Variants in LSAMP observed in about 807,000 individuals in gnomAD.
LSAMP encodes the protein limbic system associated membrane protein, also known as limbic system-associated membrane protein.
Under a neutral mutation model 38.6 loss-of-function variants are expected in LSAMP, and 7 were observed. That is an observed-to-expected ratio of 0.18 (90% CI 0.10 to 0.34). LSAMP has a LOEUF of 0.34. LSAMP is among the 10% of genes least tolerant of loss of function. The pLI is 1.00. For missense variants in LSAMP, 313 were observed against 420.0 expected, an observed-to-expected ratio of 0.75 and a Z score of 2.23; for synonymous variants, 154 against 166.8, an observed-to-expected ratio of 0.92 and a Z score of 0.59.
chr3:116,358,913 A>C (rs1291442738), intron 1 of LSAMP, among the ~76,000 whole-genome samples: 1 of 152,220 alleles, frequency 6.6e-6, no homozygotes, highest in Non-Finnish European at 1.5e-5. Context: ...ATAGAGTACA[A>C]AGAAATAGTT....
chr3:116,292,924 T>C (rs1051105185), intron 1 of LSAMP, among the ~76,000 whole-genome samples: 3 of 152,196 alleles, frequency 2.0e-5, no homozygotes, highest in African/African-American at 7.2e-5. Flanking sequence ...TTAGTCCATA[T>C]CCTGTGGGAG....
intron 1 of LSAMP, among the ~76,000 whole-genome samples, chr3:116,253,153 C>A (rs914136845): frequency 6.6e-5 from 10 of 151,988 alleles, no homozygotes; most frequent in African/African-American, 2.4e-4. Flanking sequence ...TGATATATTA[C>A]TATTGCAAAG....
At chr3:116,072,165 T>C (rs1199767267) in intron 2 of LSAMP, among the ~76,000 whole-genome samples, 1 of 151,824 alleles carries the variant, frequency 6.6e-6, no homozygotes, top group Admixed American at 6.6e-5. Flanking sequence ...TCAGTAGAGA[T>C]GGGGTTTCAC....
intron 1 of LSAMP, among the ~76,000 whole-genome samples, chr3:116,406,729 C>T (rs1437550256): frequency 6.6e-6 from 1 of 151,876 alleles, no homozygotes; most frequent in Non-Finnish European, 1.5e-5. Flanking sequence ...GCACACAGCA[C>T]CCCCATAATA....
intron 3 of LSAMP, among the ~76,000 whole-genome samples, chr3:115,980,919 A>C (rs1939340241): frequency 1.3e-5 from 2 of 152,214 alleles, no homozygotes; most frequent in South Asian, 4.1e-4. Flanking sequence ...TTTAACTTAC[A>C]GTGTCAGTTT....
intron 1 of LSAMP, among the ~76,000 whole-genome samples, chr3:116,349,948 A>G (rs1020820520): frequency 6.6e-6 from 1 of 152,066 alleles, no homozygotes; most frequent in Non-Finnish European, 1.5e-5. Context: ...ATGGAAGGAA[A>G]ATATATGCGA....
chr3:116,089,471 C>T (rs977967361), intron 1 of LSAMP, among the ~76,000 whole-genome samples: 2 of 152,190 alleles, frequency 1.3e-5, no homozygotes, highest in East Asian at 1.9e-4. Context: ...CATTCTCCTG[C>T]CTCTGCCTCC....
At chr3:115,835,998 A>T (rs1056368030) in intron 6 of LSAMP, among the ~76,000 whole-genome samples, 2 of 152,082 alleles carry the variant, frequency 1.3e-5, no homozygotes, top group Non-Finnish European at 2.9e-5. Flanking sequence ...TCCATATTAT[A>T]CTCTTTCTAC....
chr3:116,105,078 G>T (rs555298980), intron 1 of LSAMP, among the ~76,000 whole-genome samples: 62 of 151,844 alleles, frequency 4.1e-4, no homozygotes, highest in East Asian at 1.6e-3. Context: ...TACTCTAAAA[G>T]ATTTTGAAAG....
At position 116,113,420 on chromosome 3, in the gene LSAMP, A is replaced by ATTTTTTTTTTT. The variant is rs374608044; in HGVS notation, c.156-26875_156-26865dup. 7.8e-5 allele frequency among the ~76,000 whole-genome samples: 4 copies of ATTTTTTTTTTT among 51,044 alleles called. 1 individual carries two copies. Among genetic ancestry groups the ATTTTTTTTTTT allele is most frequent in the African/African-American group, 2.9e-4 (3 of 10,422 alleles). 33.5% of individuals were successfully genotyped at this position (51,044 alleles called of 152,430 possible). ...TTGCCCTATATATATATATATATAT[A>ATTTTTTTTTTT]TTTTTTTTTTTTTTTTTTTTTTTGA... On this transcript the variant is annotated intron_variant, in intron 1 of 6. Transcript: ENST00000490035.
At chr3:116,319,527 T>C (rs1256059943) in intron 1 of LSAMP, among the ~76,000 whole-genome samples, 1 of 152,154 alleles carries the variant, frequency 6.6e-6, no homozygotes, top group Non-Finnish European at 1.5e-5. Flanking sequence ...AACACAAACA[T>C]GAATGAATAA....
intron 3 of LSAMP, among the ~76,000 whole-genome samples, chr3:115,917,515 C>G (rs984019163): frequency 6.6e-6 from 1 of 152,198 alleles, no homozygotes; most frequent in Admixed American, 6.5e-5. Flanking sequence ...TTTTCCTACT[C>G]TCAGAAACTG....
chr3:116,366,915 A>T (rs769774792), intron 1 of LSAMP, among the ~76,000 whole-genome samples: 89 of 152,152 alleles, frequency 5.8e-4, no homozygotes, highest in Non-Finnish European at 1.2e-3. Context: ...CATTGCCTAG[A>T]CCTTCACAAA....
chr3:115,902,377 T>G (rs1351029999), intron 3 of LSAMP, among the ~76,000 whole-genome samples: 1 of 151,976 alleles, frequency 6.6e-6, no homozygotes, highest in Non-Finnish European at 1.5e-5. Context: ...TTATGAATCA[T>G]GCAAAACTAT....
At chr3:116,022,962 T>C (rs913918086) in intron 2 of LSAMP, among the ~76,000 whole-genome samples, 5 of 152,116 alleles carry the variant, frequency 3.3e-5, no homozygotes, top group African/African-American at 1.2e-4. Flanking sequence ...CAGAATTGTC[T>C]AAGCAAAAAA....
intron 3 of LSAMP, among the ~76,000 whole-genome samples, chr3:115,886,208 AC>A (rs1289979384): frequency 8.6e-5 from 13 of 151,942 alleles, no homozygotes; most frequent in African/African-American, 3.1e-4. Context: ...TTCTAGAAAT[AC>A]CCTTACAGAC....
intron 1 of LSAMP, among the ~76,000 whole-genome samples, chr3:116,121,562 A>G (rs542113081): frequency 1.3e-5 from 2 of 152,200 alleles, no homozygotes; most frequent in Non-Finnish European, 2.9e-5. Flanking sequence ...ACATTTATCA[A>G]TATGCTCAGT....
At chr3:116,231,629 T>C (rs2046403543) in intron 1 of LSAMP, among the ~76,000 whole-genome samples, 3 of 152,082 alleles carry the variant, frequency 2.0e-5, no homozygotes, top group African/African-American at 4.8e-5. Flanking sequence ...CTAAGCTGCA[T>C]AAATCACAGA....
intron 1 of LSAMP, among the ~76,000 whole-genome samples, chr3:116,128,550 T>C (rs960181705): frequency 2.6e-5 from 4 of 152,242 alleles, no homozygotes; most frequent in Non-Finnish European, 4.4e-5. Flanking sequence ...CATAATTGCA[T>C]TGTGGTATGC....
Sources: allele counts gnomAD v4.1 joint callset (sites outside exome capture counted in the v4.1 genomes callset), GRCh38; gene constraint gnomAD v4.1.1; transcripts MANE v1.5; gene names NCBI Gene and HGNC (gene_info 2026-07-23, HGNC 2026-07-21).